The following CWF19L2 variants were observed in gnomAD, a reference collection of about 807,000 sequenced individuals.
CWF19L2 encodes CWF19 like cell cycle control factor 2, also known as CWF19-like protein 2.
CWF19L2 carries 98 observed loss-of-function variants against 111.7 expected under a neutral mutation model. That is an observed-to-expected ratio of 0.88 (90% CI 0.75 to 1.04). CWF19L2 has a LOEUF of 1.04. Among genes scored for constraint, CWF19L2 ranks in the 50% least tolerant of loss-of-function variants. The pLI, the probability that CWF19L2 is intolerant of heterozygous loss-of-function variation, is 0.00. For missense variants in CWF19L2, 1,101 were observed against 1,051.4 expected (o/e 1.05, Z -0.65); for synonymous variants, 351 against 342.9 (o/e 1.02, Z -0.26).
chr11:107,345,750 T>C (rs768051151), intron 14 of CWF19L2, among the ~76,000 whole-genome samples: 1 of 152,188 alleles, frequency 6.6e-6, no homozygotes, highest in Non-Finnish European at 1.5e-5. Context: ...ACATCAAGCA[T>C]GATGTTCTCC....
At chr11:107,336,798 C>T (rs1057233223) in intron 14 of CWF19L2, 85 bp from the exon 15 acceptor site, 2 of 752,764 alleles carry the variant, frequency 2.7e-6, no homozygotes, top group Non-Finnish European at 4.0e-6. Context: ...AATATGAAAA[C>T]TTTAATAAAA....
chr11:107,383,374 G>GA (rs1281763606), intron 12 of CWF19L2, among the ~76,000 whole-genome samples: 3 of 152,066 alleles, frequency 2.0e-5, no homozygotes, highest in African/African-American at 7.2e-5. Context: ...GGTGCGTGGA[G>GA]AAAAAAACCC....
chr11:107,336,717 A>G lies in CWF19L2; in HGVS notation c.2203-4T>C. The G allele has an allele frequency of 8.3e-7, 1 of 1,209,024 alleles. No homozygotes were observed. The allele number at this position is 1,209,024 out of a possible 1,614,324, so 74.9% of individuals were successfully genotyped here. On this transcript the variant is annotated splice_region_variant and splice_polypyrimidine_tract_variant and intron_variant, in intron 14 of 17. Coordinates refer to ENST00000282251, the MANE Select transcript of CWF19L2 (RefSeq NM_152434.3). ...TTACCAATGATTTTCTGAACATCTA[A>G]AAAAAAAAAAGAACTAGGTAAAGAA...
At chr11:107,418,374 C>A in intron 8 of CWF19L2, 87 bp from the exon 9 acceptor site, 1 of 836,854 alleles carries the variant, frequency 1.2e-6, no homozygotes, top group Non-Finnish European at 2.1e-6. Flanking sequence ...TTTTAACTGA[C>A]CTCAACAAAG....
chr11:107,428,250 T>C (rs764232481), intron 8 of CWF19L2, among the ~76,000 whole-genome samples: 6 of 152,148 alleles, frequency 3.9e-5, no homozygotes, highest in Non-Finnish European at 8.8e-5. Context: ...TCTAATATTA[T>C]CTTTAAAATC....
intron 10 of CWF19L2, among the ~76,000 whole-genome samples, chr11:107,409,406 A>T (rs1330575670): frequency 6.6e-6 from 1 of 152,120 alleles, no homozygotes; most frequent in Non-Finnish European, 1.5e-5. Context: ...AAGGGACCAA[A>T]ATGCATTTCT....
At chr11:107,347,606 G>C (rs1860098634) in intron 14 of CWF19L2, among the ~76,000 whole-genome samples, 2 of 152,134 alleles carry the variant, frequency 1.3e-5, no homozygotes, top group Non-Finnish European at 2.9e-5. Context: ...CTCTTTCGCA[G>C]TTTTCCATAG....
intron 12 of CWF19L2, among the ~76,000 whole-genome samples, chr11:107,358,805 T>C (rs1361709755): frequency 2.0e-5 from 3 of 152,164 alleles, no homozygotes; most frequent in Admixed American, 6.5e-5. Flanking sequence ...CAGTAAAATA[T>C]TGAACCCAAG....
Position 107,418,304 on chromosome 11 carries a change from G to C in CWF19L2, c.1434-17C>G. 1 of 1,518,268 alleles carries C rather than the reference G, an allele frequency of 6.6e-7. No homozygotes were observed. Among genetic ancestry groups the C allele is most frequent in the South Asian group, 1.1e-5 (1 of 89,072 alleles). The allele number at this position is 1,518,268 out of a possible 1,614,324, so 94.0% of individuals were successfully genotyped here. A position where few individuals can be genotyped will look rare whatever the true frequency, so the allele number is the denominator to read the frequency against. ...TCTGGACTGCTATTGGAATAGGAAA[G>C]ATTAACAGCATATGAAATATAGGTG... On this transcript the variant is annotated splice_polypyrimidine_tract_variant and intron_variant, in intron 8 of 17. Transcript: ENST00000282251.
At chr11:107,400,593 A>T (rs1860986081) in intron 10 of CWF19L2, among the ~76,000 whole-genome samples, 1 of 152,212 alleles carries the variant, frequency 6.6e-6, no homozygotes, top group East Asian at 1.9e-4. Context: ...AACAAAAAAA[A>T]GTCCAGGACC....
intron 4 of CWF19L2, 87 bp downstream of exon 4, chr11:107,442,849 AGGG>A: frequency 1.6e-6 from 1 of 612,264 alleles, no homozygotes; most frequent in Non-Finnish European, 2.9e-6. Flanking sequence ...ACAGAGAGGG[AGGG>A]AGGGATAGAG....
rs563296244 is a variant in CWF19L2 at position 107,326,696 on chromosome 11, T to C, written c.*214A>G. 7.2e-6 allele frequency: 3 copies of C among 416,314 alleles called. No individual in the cohort carries two copies. The highest frequency in any genetic ancestry group is 7.4e-5 in the South Asian group (1 of 13,472). The allele number at this position is 416,314 out of a possible 1,614,324, so 25.8% of individuals were successfully genotyped here. A position where few individuals can be genotyped will look rare whatever the true frequency, so the allele number is the denominator to read the frequency against. On this transcript the variant is annotated 3_prime_UTR_variant, in exon 18 of 18. Coordinates refer to ENST00000282251, the MANE Select transcript of CWF19L2 (RefSeq NM_152434.3). The stretch of plus-strand genomic sequence containing the variant: ...ATGTGAGCAGATCATCGAATATATG[T>C]TTTTACTCCATGGTGACTAAAATGA...
At chr11:107,397,496 C>A (rs1176639822) in intron 10 of CWF19L2, among the ~76,000 whole-genome samples, 3 of 152,164 alleles carry the variant, frequency 2.0e-5, no homozygotes, top group Non-Finnish European at 4.4e-5. Context: ...TCCCATCCCC[C>A]ACAGCAGCCC....
At chr11:107,438,277 C>G (rs75925761) in intron 6 of CWF19L2, among the ~76,000 whole-genome samples, 1 of 152,250 alleles carries the variant, frequency 6.6e-6, no homozygotes, top group Non-Finnish European at 1.5e-5. Context: ...CAGCACAACA[C>G]TTAATGGGAA....
intron 5 of CWF19L2, among the ~76,000 whole-genome samples, chr11:107,440,015 C>G (rs1490609986): frequency 6.6e-6 from 1 of 152,154 alleles, no homozygotes. Flanking sequence ...GCAAGTGTCT[C>G]CTGTGTTCTA....
chr11:107,411,896 A>C (rs1028918198), intron 10 of CWF19L2, among the ~76,000 whole-genome samples: 2 of 152,194 alleles, frequency 1.3e-5, no homozygotes, highest in Admixed American at 1.3e-4. Flanking sequence ...CGGATTGTCA[A>C]AAGATCAAAA....
chr11:107,336,101 G>C (rs1055487221), intron 15 of CWF19L2, among the ~76,000 whole-genome samples: 1 of 152,008 alleles, frequency 6.6e-6, no homozygotes, highest in Non-Finnish European at 1.5e-5. Context: ...CATGCCTGTA[G>C]TCCCAACTAC....
At chr11:107,395,950 G>A (rs1274317963) in intron 10 of CWF19L2, among the ~76,000 whole-genome samples, 1 of 151,772 alleles carries the variant, frequency 6.6e-6, no homozygotes, top group East Asian at 1.9e-4. Flanking sequence ...GTTATTACAA[G>A]CTGGCACCTC....
chr11:107,335,694 G>A (rs1296103470), intron 15 of CWF19L2, among the ~76,000 whole-genome samples: 1 of 151,834 alleles, frequency 6.6e-6, no homozygotes, highest in Non-Finnish European at 1.5e-5. Flanking sequence ...TACTATTTAT[G>A]GTAAAGAAAT....
Sources: allele counts gnomAD v4.1 joint callset (sites outside exome capture counted in the v4.1 genomes callset), GRCh38; gene constraint gnomAD v4.1.1; transcripts MANE v1.5; gene names NCBI Gene and HGNC (gene_info 2026-07-23, HGNC 2026-07-21).